The following PRCC variants were observed in gnomAD, a reference collection of about 807,000 sequenced individuals.
PRCC encodes proline-rich protein PRCC.
Under a neutral mutation model 44.0 loss-of-function variants are expected in PRCC, and 10 were observed. That is an observed-to-expected ratio of 0.23 (90% confidence interval 0.14 to 0.39). The LOEUF is 0.39. Ranked by LOEUF, PRCC falls within the 10% of genes least tolerant of loss-of-function variation. The pLI, the probability that PRCC is intolerant of heterozygous loss-of-function variation, is 1.00. For missense variants in PRCC, 573 were observed against 624.7 expected (o/e 0.92, Z 0.88); for synonymous variants, 278 against 259.5 (o/e 1.07, Z -0.69).
chr1:156,795,231 CCCTCCTTT>C (rs1429379930), intron 5 of PRCC, among the ~76,000 whole-genome samples: 15 of 148,670 alleles, frequency 1.0e-4, no homozygotes, highest in East Asian at 3.9e-4. Context: ...TTCCCTCCCT[CCCTCCTTT>C]CCTCCTTTCC....
chr1:156,787,016 G>C lies in PRCC; in HGVS notation c.925G>C (p.Glu309Gln). Residue 309 changes from glutamate (E) to glutamine (Q), a missense_variant, in exon 3 of 7, where the codon GAG becomes CAG. Transcript: ENST00000271526. ...AGAGCTGCCTCCAGGCACGGAACCA[G>C]AGCCGGCTTTCCAGGACGATGCAGC... Reference protein sequence around the residue: ...PEELPPGTEPEPAFQDDAANA... With the variant: ...PEELPPGTEPQPAFQDDAANA... The C allele has an allele frequency of 6.2e-7, 1 of 1,614,242 alleles. No homozygotes were observed. Among genetic ancestry groups the C allele is most frequent in the Non-Finnish European group, 8.5e-7 (1 of 1,180,046 alleles).
chr1:156,792,777 G>A (rs1465311855), intron 4 of PRCC, among the ~76,000 whole-genome samples: 1 of 152,168 alleles, frequency 6.6e-6, no homozygotes, highest in Non-Finnish European at 1.5e-5. Context: ...TTGTAAGGGG[G>A]TCTAGGAAAT....
At chr1:156,770,206 A>C (rs73002742) in intron 1 of PRCC, among the ~76,000 whole-genome samples, 56 of 152,352 alleles carry the variant, frequency 3.7e-4, no homozygotes, top group African/African-American at 1.3e-3. Flanking sequence ...GTAAGCATTC[A>C]CTAAATTTCT....
intron 1 of PRCC, among the ~76,000 whole-genome samples, chr1:156,770,704 T>G (rs1327940282): frequency 6.6e-6 from 1 of 152,228 alleles, no homozygotes; most frequent in Non-Finnish European, 1.5e-5. Context: ...CTGTGCCCCC[T>G]CCAGATGTAA....
At chr1:156,791,299 C>T (rs1331930045) in intron 3 of PRCC, 6 of 588,146 alleles carry the variant, frequency 1.0e-5, no homozygotes, top group South Asian at 3.5e-5. Context: ...TATACCTTCT[C>T]GTCCCTGCTC....
intron 1 of PRCC, among the ~76,000 whole-genome samples, chr1:156,777,972 ATGT>A (rs1162240895): frequency 1.3e-5 from 2 of 152,258 alleles, no homozygotes; most frequent in Non-Finnish European, 2.9e-5. Context: ...ATACAAGATG[ATGT>A]TAAGATTTAT....
chr1:156,773,099 G>A (rs1651692589), intron 1 of PRCC, among the ~76,000 whole-genome samples: 1 of 152,178 alleles, frequency 6.6e-6, no homozygotes, highest in Admixed American at 6.5e-5. Flanking sequence ...GAGTGAAAAA[G>A]GGTTGATGAA....
At chr1:156,781,689 C>T (rs1558049367) in intron 1 of PRCC, among the ~76,000 whole-genome samples, 1 of 152,196 alleles carries the variant, frequency 6.6e-6, no homozygotes, top group Non-Finnish European at 1.5e-5. Context: ...CATTTGCCTG[C>T]TTTCTTCCTG....
intron 4 of PRCC, 61 bp from the exon 5 acceptor site, chr1:156,794,604 T>C: frequency 1.9e-6 from 3 of 1,584,844 alleles, no homozygotes; most frequent in Non-Finnish European, 2.6e-6. Context: ...TCTGGCTCTT[T>C]AGTGGCATCT....
chr1:156,795,285 G>GTTTTTTTTTTT lies in PRCC; in HGVS notation c.1323+491_1323+501dup, dbSNP rs35911411. 1.1e-3 allele frequency among the ~76,000 whole-genome samples: 39 copies of GTTTTTTTTTTT among 36,062 alleles called. 4 individuals are homozygous for GTTTTTTTTTTT. Among genetic ancestry groups the GTTTTTTTTTTT allele is most frequent in the Non-Finnish European group, 1.4e-3 (32 of 23,072 alleles). The allele number at this position is 36,062 out of a possible 152,430, so 23.7% of individuals were successfully genotyped here. ...CTTCCAATTGTTTTCATTTTCTGGT[G>GTTTTTTTTTTT]TTTTTTTTTTTTTTTTTTTTTTTTC... On this transcript the variant is annotated intron_variant, in intron 5 of 6. Coordinates refer to ENST00000271526, the MANE Select transcript of PRCC (RefSeq NM_005973.5).
At chr1:156,775,187 G>T (rs1168767486) in intron 1 of PRCC, among the ~76,000 whole-genome samples, 9 of 152,016 alleles carry the variant, frequency 5.9e-5, no homozygotes, top group South Asian at 4.2e-4. Context: ...GGTGGAGCTT[G>T]CAGTGAGCCG....
chr1:156,775,715 T>C (rs1001457184), intron 1 of PRCC, among the ~76,000 whole-genome samples: 2 of 152,120 alleles, frequency 1.3e-5, no homozygotes, highest in African/African-American at 4.8e-5. Context: ...TTCACCATAT[T>C]GGCCAGGCTG....
At chr1:156,793,348 C>A (rs1652555560) in intron 4 of PRCC, among the ~76,000 whole-genome samples, 1 of 152,222 alleles carries the variant, frequency 6.6e-6, no homozygotes, top group Non-Finnish European at 1.5e-5. Context: ...AGGACTGGGT[C>A]TCACTGAAGC....
At chr1:156,787,622 C>CGTAGTACCTGATAGGT (rs1553253320) in intron 3 of PRCC, among the ~76,000 whole-genome samples, 2 of 129,538 alleles carry the variant, frequency 1.5e-5, no homozygotes, top group Non-Finnish European at 3.1e-5. Flanking sequence ...AGGTGATGAG[C>CGTAGTACCTGATAGGT]ATAGTACCTG....
At chr1:156,771,241 G>C (rs1383758333) in intron 1 of PRCC, among the ~76,000 whole-genome samples, 1 of 152,156 alleles carries the variant, frequency 6.6e-6, no homozygotes, top group Non-Finnish European at 1.5e-5. Context: ...GAGAGGGTGG[G>C]GAGTGCTGAG....
At chr1:156,769,965 CAAA>C (rs397784329) in intron 1 of PRCC, among the ~76,000 whole-genome samples, 5 of 140,288 alleles carry the variant, frequency 3.6e-5, no homozygotes, top group Admixed American at 7.1e-5. Flanking sequence ...GTCTAGGATC[CAAA>C]AAAAAAAAGC....
chr1:156,775,502 C>A (rs920475735), intron 1 of PRCC, among the ~76,000 whole-genome samples: 5 of 147,314 alleles, frequency 3.4e-5, no homozygotes, highest in African/African-American at 1.2e-4. Context: ...AGGCACATGG[C>A]CGATTTAAAA....
chr1:156,795,285 GTTTTTTTTTTTTTTTTTT>G lies in PRCC; in HGVS notation c.1323+484_1323+501del, dbSNP rs35911411. 5.8e-4 allele frequency among the ~76,000 whole-genome samples: 21 copies of G among 36,054 alleles called. No homozygotes were observed. In the Admixed American group the frequency reaches 6.0e-3, roughly 10 times the overall value. 23.7% of individuals were successfully genotyped at this position (36,054 alleles called of 152,430 possible). On this transcript the variant is annotated intron_variant, in intron 5 of 6. Coordinates refer to ENST00000271526, the MANE Select transcript of PRCC (RefSeq NM_005973.5). ...CTTCCAATTGTTTTCATTTTCTGGTGTTTTTTTTTTTTTTTTTTTTTTTTCAGAGTCTCACTCTGTTGC... is the reference window on the plus strand; with the variant it reads ...CTTCCAATTGTTTTCATTTTCTGGTGTTTTTTCAGAGTCTCACTCTGTTGC...
Position 156,787,650 on chromosome 1 carries a change from C to CTTTTTT in PRCC, c.1083+487_1083+492dup, listed in dbSNP as rs56916626. Among the ~76,000 whole-genome samples the CTTTTTT allele has an allele frequency of 2.3e-3, 124 of 54,164 alleles. 13 individuals are homozygous for CTTTTTT. The highest frequency in any genetic ancestry group is 7.1e-3 in the South Asian group (10 of 1,402). The allele number at this position is 54,164 out of a possible 152,430, so 35.5% of individuals were successfully genotyped here. A position where few individuals can be genotyped will look rare whatever the true frequency, so the allele number is the denominator to read the frequency against. On this transcript the variant is annotated intron_variant, in intron 3 of 6. Transcript: ENST00000271526. ...AGTACCTGATAGGTAGGTTTTTGGC[C>CTTTTTT]TTTTTTTTTTTTTTTTGGAGAAGGA...
Sources: gnomAD v4.1 joint callset for allele counts (sites outside exome capture counted in the v4.1 genomes callset) on GRCh38, gnomAD v4.1.1 for gene constraint, MANE v1.5 for transcripts, NCBI Gene and HGNC (gene_info 2026-07-23, HGNC 2026-07-21) for gene names.